Variants in ZFYVE26 observed in about 807,000 individuals in gnomAD.
ZFYVE26 encodes the protein zinc finger FYVE-type containing 26.
In ZFYVE26, 181 loss-of-function variants were observed where a neutral mutation model predicts 276.5. That is an observed-to-expected ratio of 0.65 (90% CI 0.58 to 0.74). The LOEUF (loss-of-function observed/expected upper bound fraction) is 0.74. ZFYVE26 is among the 30% of genes least tolerant of loss of function. ZFYVE26 has a pLI of 0.00. For missense variants in ZFYVE26, 2,821 were observed against 3,097.9 expected (o/e 0.91, Z 2.12); for synonymous variants, 1,129 against 1,203.1 (o/e 0.94, Z 1.27).
chr14:67,810,171 C>T (rs903817024), intron 3 of ZFYVE26, among the ~76,000 whole-genome samples: 1 of 152,290 alleles, frequency 6.6e-6, no homozygotes, highest in Middle Eastern at 3.4e-3. Flanking sequence ...ACTGATCAGC[C>T]GTAAGTTCCA....
intron 3 of ZFYVE26, among the ~76,000 whole-genome samples, chr14:67,812,904 T>C (rs545555609): frequency 6.6e-6 from 1 of 152,348 alleles, no homozygotes; most frequent in East Asian, 1.9e-4. Flanking sequence ...TCTGAAACCA[T>C]AGCCAACTCT....
chr14:67,771,117 C>T (rs899411245), intron 28 of ZFYVE26, among the ~76,000 whole-genome samples: 2 of 152,122 alleles, frequency 1.3e-5, no homozygotes, highest in African/African-American at 4.8e-5. Flanking sequence ...CTGAACTTCT[C>T]CCTCCTTCCA....
chr14:67,734,324 C>A lies in ZFYVE26; in HGVS notation n.2680-4505G>T, dbSNP rs541626452. 7 of 166,902 alleles carry A rather than the reference C, an allele frequency of 4.2e-5. No homozygotes were observed. In the South Asian group the frequency reaches 1.1e-3, roughly 26 times the overall value. 10.3% of individuals were successfully genotyped at this position (166,902 alleles called of 1,614,324 possible). On this transcript the variant is annotated intron_variant and non_coding_transcript_variant, in intron 13 of 14. Transcript: ENST00000394455. ...ACCAACACACAAAGATCCTGGCTAACCCTGGCCTATTTAGATTCCTTCCTC... is the reference window on the plus strand; with the variant it reads ...ACCAACACACAAAGATCCTGGCTAAACCTGGCCTATTTAGATTCCTTCCTC...
Position 67,815,978 on chromosome 14 carries a change from G to A in ZFYVE26, c.-15C>T, listed in dbSNP as rs1439745259. The A allele has an allele frequency of 1.3e-6, 2 of 1,599,322 alleles. No individual in the cohort carries two copies. The highest frequency in any genetic ancestry group is 1.1e-5 in the South Asian group (1 of 90,058). On this transcript the variant is annotated 5_prime_UTR_variant, in exon 2 of 42. Coordinates refer to ENST00000347230, the MANE Select transcript of ZFYVE26 (RefSeq NM_015346.4). Reference sequence around the variant, plus strand: ...GGATGATTCATTTTCCCAGCACAGAGTGCAGGGAGATACAAAGAAATGAGT... The same window carrying A: ...GGATGATTCATTTTCCCAGCACAGAATGCAGGGAGATACAAAGAAATGAGT...
intron 6 of ZFYVE26, 27 bp from the exon 7 acceptor site, chr14:67,805,645 G>A (rs1566896807): frequency 6.2e-6 from 10 of 1,610,722 alleles, no homozygotes; most frequent in African/African-American, 1.3e-5. Context: ...GCTGTTATAG[G>A]CAGCTATGTG....
Position 67,761,898 on chromosome 14 carries a change from A to G in ZFYVE26, c.6369+305T>C, listed in dbSNP as rs1337058711. 3.2e-5 allele frequency: 18 copies of G among 554,698 alleles called. 1 individual carries two copies. The highest frequency in any genetic ancestry group is 2.3e-4 in the South Asian group (11 of 47,578). 34.4% of individuals were successfully genotyped at this position (554,698 alleles called of 1,614,324 possible). On this transcript the variant is annotated intron_variant, in intron 34 of 41. Coordinates refer to ENST00000347230, the MANE Select transcript of ZFYVE26 (RefSeq NM_015346.4). The stretch of plus-strand genomic sequence containing the variant: ...GACAACCCCAGTTTCATTAAACAAC[A>G]TAACATAGAAAATTCACCAGAATTT...
intron 5 of ZFYVE26, among the ~76,000 whole-genome samples, chr14:67,806,987 G>A (rs930287450): frequency 6.6e-6 from 1 of 152,078 alleles, no homozygotes. Context: ...CTGGAATACA[G>A]CGGTGCAAAC....
chr14:67,769,374 C>T (rs747092599), intron 29 of ZFYVE26, among the ~76,000 whole-genome samples: 10 of 152,164 alleles, frequency 6.6e-5, no homozygotes, highest in Non-Finnish European at 1.0e-4. Flanking sequence ...CATGTAAGAA[C>T]CTTGAACACC....
intron 39 of ZFYVE26, among the ~76,000 whole-genome samples, chr14:67,752,845 G>C (rs2038684958): frequency 1.3e-5 from 2 of 152,110 alleles, no homozygotes; most frequent in Admixed American, 1.3e-4. Flanking sequence ...GGGCATTGGG[G>C]GATGGTATTT....
At position 67,748,113 on chromosome 14, in the gene ZFYVE26, T is replaced by C. The variant is rs1320126171; in HGVS notation, c.*323A>G. ...TTTAAATGGAGAAGAGTTTCATTTG[T>C]TCAGAAATGCTTGGGCGTAAACATC... On this transcript the variant is annotated 3_prime_UTR_variant, in exon 42 of 42. Transcript: ENST00000347230. The C allele has an allele frequency of 2.8e-6, 1 of 356,530 alleles. No individual in the cohort carries two copies. Among genetic ancestry groups the C allele is most frequent in the Non-Finnish European group, 5.2e-6 (1 of 191,908 alleles). The allele number at this position is 356,530 out of a possible 1,614,324, so 22.1% of individuals were successfully genotyped here.
At chr14:67,797,980 C>A in intron 11 of ZFYVE26, 34 bp downstream of exon 11, 1 of 1,613,660 alleles carries the variant, frequency 6.2e-7, no homozygotes, top group Non-Finnish European at 8.5e-7. Context: ...TCCCTCTCCA[C>A]CTTCTGGTCC....
At chr14:67,797,623 C>G (rs757270262) in intron 12 of ZFYVE26, 49 bp downstream of exon 12, 1 of 1,579,158 alleles carries the variant, frequency 6.3e-7, no homozygotes, top group East Asian at 2.2e-5. Context: ...ATTAGACAAG[C>G]AGCATTACAC....
Position 67,798,969 on chromosome 14 carries a change from AG to A in ZFYVE26, c.1640-348del, listed in dbSNP as rs1594931295. 3 of 1,123,182 alleles carry A rather than the reference AG, an allele frequency of 2.7e-6. No homozygotes were observed. The East Asian group carries it at 7.1e-5, about 26-fold the overall frequency. The allele number at this position is 1,123,182 out of a possible 1,614,324, so 69.6% of individuals were successfully genotyped here. A position where few individuals can be genotyped will look rare whatever the true frequency, so the allele number is the denominator to read the frequency against. ...TTTCTCGCGCCGCGGTTTCGGTGGG[AG>A]GGGCGGGGGTGATTTACGGATACTC... On this transcript the variant is annotated intron_variant, in intron 10 of 41. Coordinates refer to ENST00000347230, the MANE Select transcript of ZFYVE26 (RefSeq NM_015346.4).
intron 13 of ZFYVE26, among the ~76,000 whole-genome samples, chr14:67,738,398 A>G (rs1425174468): frequency 6.7e-6 from 1 of 148,532 alleles, no homozygotes; most frequent in Non-Finnish European, 1.5e-5. Flanking sequence ...ATATACTTAT[A>G]GAAATATACT....
Position 67,804,213 on chromosome 14 carries a change from G to A in ZFYVE26, c.1323C>T (p.Ser441=). The part of the protein sequence containing the change: ...DLLYHLHGGD[S]HSVLYTLHHL... ...GATGGAGAGTGTAGAGCACTGAGTG[G>A]CTGTCTCCACCGTGTAAATGATACA... The change falls in exon 9 of 42, where the codon AGC becomes AGT. Residue 441 remains serine, a synonymous_variant. Transcript: ENST00000347230. 6.2e-7 allele frequency: 1 copy of A among 1,614,024 alleles called. No individual in the cohort carries two copies. Among genetic ancestry groups the A allele is most frequent in the Non-Finnish European group, 8.5e-7 (1 of 1,179,982 alleles).
chr14:67,785,482 C>A (rs1385139230), intron 18 of ZFYVE26, among the ~76,000 whole-genome samples: 1 of 152,148 alleles, frequency 6.6e-6, no homozygotes, highest in East Asian at 1.9e-4. Context: ...AGCTTTGAGT[C>A]TGGAGTGTAT....
At chr14:67,738,483 C>T (rs937844633) in intron 13 of ZFYVE26, among the ~76,000 whole-genome samples, 2 of 149,458 alleles carry the variant, frequency 1.3e-5, no homozygotes, top group African/African-American at 4.9e-5. Flanking sequence ...AGTAGTTATT[C>T]CAAAAATCAT....
rs1195243336 is a variant in ZFYVE26 at position 67,762,295 on chromosome 14, G to C, written c.6277C>G (p.Pro2093Ala). ...REKFSRCLKP[P>A]FDLNQLNHGS... ...TGATTCAGCTGATTGAGGTCAAATG[G>C]GGGCTTCAGACAGCGACTGAACTTC... Residue 2093 changes from proline (P) to alanine (A), a missense_variant, in exon 34 of 42, where the codon CCA becomes GCA. Pro to Ala is a conservative substitution (Grantham distance 27, BLOSUM62 -1). Transcript: ENST00000347230. 2.5e-6 allele frequency: 4 copies of C among 1,614,140 alleles called. No homozygotes were observed. The highest frequency in any genetic ancestry group is 2.2e-5 in the South Asian group (2 of 91,076).
At chr14:67,756,186 G>T (rs1248911480) in intron 35 of ZFYVE26, 41 bp from the exon 36 acceptor site, 2 of 1,604,422 alleles carry the variant, frequency 1.2e-6, no homozygotes, top group South Asian at 2.2e-5. Flanking sequence ...TCTTGAGCCT[G>T]GTTCTGGCAC....
Sources: allele counts gnomAD v4.1 joint callset (sites outside exome capture counted in the v4.1 genomes callset), GRCh38; gene constraint gnomAD v4.1.1; transcripts MANE v1.5; gene names NCBI Gene and HGNC (gene_info 2026-07-23, HGNC 2026-07-21).